Variants in FBXO15 observed in about 807,000 individuals in gnomAD.
The protein encoded by FBXO15 is F-box only protein 15.
In FBXO15, 30 loss-of-function variants were observed where a neutral mutation model predicts 49.5. That is an observed-to-expected ratio of 0.61 (90% CI 0.45 to 0.82). The LOEUF (loss-of-function observed/expected upper bound fraction) is 0.82, where lower values mean the gene tolerates loss of function less well. FBXO15 is among the 40% of genes least tolerant of loss of function. The probability of loss-of-function intolerance (pLI) is 0.00; values close to 1 mark genes in which losing one functional copy is unlikely to be tolerated. For synonymous variants in FBXO15, 250 were observed against 232.7 expected (o/e 1.07, Z -0.68); for missense variants, 591 against 631.5 (o/e 0.94, Z 0.69).
rs144862468 is a variant in FBXO15, at chr18:74,136,160, C to A, written c.228-294G>T. 2.0e-5 allele frequency among the ~76,000 whole-genome samples: 3 copies of A among 152,240 alleles called. No homozygotes were observed. The East Asian group carries it at 5.8e-4, about 29-fold the overall frequency. On this transcript the variant is annotated intron_variant, in intron 2 of 9. Coordinates refer to ENST00000419743, the MANE Select transcript of FBXO15 (RefSeq NM_001142958.2). ...GAATCAACAGGCAGGATTTCAATGT[C>A]CCCCATGAAACTGTGTATTTTTTTA...
At chr18:74,122,068 G>C (rs904373888) in intron 8 of FBXO15, among the ~76,000 whole-genome samples, 5 of 152,170 alleles carry the variant, frequency 3.3e-5, no homozygotes, top group African/African-American at 9.7e-5. Context: ...AACTCCTCCT[G>C]AATTTGCAAG....
At chr18:74,145,594 C>CTTTTTTTTTTTTTTTTTT (rs760823560) in intron 1 of FBXO15, among the ~76,000 whole-genome samples, 2 of 96,370 alleles carry the variant, frequency 2.1e-5, no homozygotes, top group African/African-American at 9.9e-5. Context: ...ACCAACTGCA[C>CTTTTTTTTTTTTTTTTTT]TTTTTTTTTT....
Position 74,073,810 on chromosome 18 carries a change from C to A in FBXO15, c.1264-80G>T, listed in dbSNP as rs1007828145. 9.6e-5 allele frequency: 145 copies of A among 1,512,480 alleles called. 3 individuals carry two copies. In the South Asian group the frequency reaches 1.2e-3, roughly 13 times the overall value. The allele number at this position is 1,512,480 out of a possible 1,614,324, so 93.7% of individuals were successfully genotyped here. On this transcript the variant is annotated intron_variant, in intron 9 of 9. Transcript: ENST00000419743. The stretch of plus-strand genomic sequence containing the variant: ...CACAGAAAATCGTGACTCTGTAAAA[C>A]TCACTAGAAATGCTGCGTGTGGCAT...
chr18:74,124,347 C>T, intron 7 of FBXO15, 142 bp downstream of exon 7: 1 of 652,654 alleles, frequency 1.5e-6, no homozygotes, highest in South Asian at 2.0e-5. Context: ...TTAGCGACAG[C>T]TAATTGTGCC....
chr18:74,107,431 G>C (rs1427509751), intron 8 of FBXO15, among the ~76,000 whole-genome samples: 1 of 152,110 alleles, frequency 6.6e-6, no homozygotes, highest in Non-Finnish European at 1.5e-5. Flanking sequence ...AAAAACGTTG[G>C]AAGTCACCAC....
intron 1 of FBXO15, among the ~76,000 whole-genome samples, chr18:74,142,367 A>G (rs1161768114): frequency 2.0e-5 from 3 of 152,242 alleles, no homozygotes; most frequent in Non-Finnish European, 4.4e-5. Flanking sequence ...TGGTCCTAAC[A>G]TAGTAATCAT....
intron 8 of FBXO15, among the ~76,000 whole-genome samples, chr18:74,121,593 A>G (rs1914473939): frequency 6.6e-6 from 1 of 152,226 alleles, no homozygotes; most frequent in Admixed American, 6.5e-5. Context: ...AAACCTAGCA[A>G]TCTTCCTGAG....
At chr18:74,080,707 C>T (rs1440072670) in intron 9 of FBXO15, among the ~76,000 whole-genome samples, 1 of 152,228 alleles carries the variant, frequency 6.6e-6, no homozygotes, top group Non-Finnish European at 1.5e-5. Context: ...GTCTGCCCTA[C>T]ATAAAGTCCC....
At chr18:74,129,235 G>A (rs1480455725) in intron 5 of FBXO15, among the ~76,000 whole-genome samples, 170 bp downstream of exon 5, 2 of 152,142 alleles carry the variant, frequency 1.3e-5, no homozygotes, top group African/African-American at 2.4e-5. Flanking sequence ...GACCTAATCA[G>A]AAATGTGATA....
Position 74,074,722 on chromosome 18 carries a change from T to A in FBXO15, c.1264-992A>T, listed in dbSNP as rs1223914574. On this transcript the variant is annotated intron_variant, in intron 9 of 9. Coordinates refer to ENST00000419743, the MANE Select transcript of FBXO15 (RefSeq NM_001142958.2). The surrounding 1 kb of genome is among the most constrained non-coding windows in gnomAD (Gnocchi z 4.7). ...AAAATGAAAAAGAACATAGTCGGCA[T>A]GCATTACATACACTAAGCATAAACG... is the stretch of plus-strand genomic sequence containing the variant. 6.6e-6 allele frequency among the ~76,000 whole-genome samples: 1 copy of A among 152,260 alleles called. No homozygotes were observed. The highest frequency in any genetic ancestry group is 1.5e-5 in the Non-Finnish European group (1 of 68,042).
chr18:74,082,212 C>T, intron 8 of FBXO15, 161 bp from the exon 9 acceptor site: 1 of 524,990 alleles, frequency 1.9e-6, no homozygotes, highest in Non-Finnish European at 3.2e-6. Flanking sequence ...TGGCTTGAGG[C>T]CAGAGTGATG....
intron 9 of FBXO15, 93 bp from the exon 10 acceptor site, chr18:74,073,823 C>T: frequency 2.1e-6 from 3 of 1,446,794 alleles, no homozygotes; most frequent in East Asian, 4.6e-5. Context: ...ACTAGAAATG[C>T]TGCGTGTGGC....
chr18:74,124,455 C>A, intron 7 of FBXO15, 34 bp downstream of exon 7: 1 of 1,555,886 alleles, frequency 6.4e-7, no homozygotes, highest in Non-Finnish European at 8.9e-7. Context: ...ATTTACTGTA[C>A]AAAAATTCAA....
At chr18:74,090,767 G>C (rs1056382612) in intron 8 of FBXO15, among the ~76,000 whole-genome samples, 1 of 152,144 alleles carries the variant, frequency 6.6e-6, no homozygotes, top group African/African-American at 2.4e-5. Context: ...CAAGAGCATG[G>C]TTGGTATGAT....
chr18:74,116,188 C>A (rs1914222442), intron 8 of FBXO15, among the ~76,000 whole-genome samples: 1 of 152,196 alleles, frequency 6.6e-6, no homozygotes, highest in Non-Finnish European at 1.5e-5. Context: ...TGGGGACATG[C>A]AGGCTGCTTC....
At chr18:74,101,630 G>A (rs1913524509) in intron 8 of FBXO15, among the ~76,000 whole-genome samples, 1 of 151,882 alleles carries the variant, frequency 6.6e-6, no homozygotes, top group Admixed American at 6.6e-5. Flanking sequence ...AATTCATATG[G>A]AAACAAAAAA....
chr18:74,101,505 G>A (rs533855659), intron 8 of FBXO15, among the ~76,000 whole-genome samples: 10 of 152,010 alleles, frequency 6.6e-5, no homozygotes, highest in Admixed American at 1.3e-4. Context: ...CTCATGGATG[G>A]GTAGAATTGA....
chr18:74,096,434 C>G (rs1178971479), intron 8 of FBXO15, among the ~76,000 whole-genome samples: 1 of 151,696 alleles, frequency 6.6e-6, no homozygotes, highest in Non-Finnish European at 1.5e-5. Context: ...GTTACTACAG[C>G]CAAGGTGAAA....
chr18:74,104,233 A>G (rs1051349205), intron 8 of FBXO15, among the ~76,000 whole-genome samples: 1 of 152,120 alleles, frequency 6.6e-6, no homozygotes, highest in Admixed American at 6.5e-5. Flanking sequence ...AACTTGTTAT[A>G]TCTATAAGAT....
Sources: gnomAD v4.1 joint callset for allele counts (sites outside exome capture counted in the v4.1 genomes callset) on GRCh38, gnomAD v4.1.1 for gene constraint, Gnocchi (gnomAD v3.1) non-coding constraint, MANE v1.5 for transcripts, NCBI Gene and HGNC (gene_info 2026-07-23, HGNC 2026-07-21) for gene names.